The following EPHA1 variants were observed in gnomAD, a reference collection of about 807,000 sequenced individuals.
EPHA1 encodes the protein EPH receptor A1.
In EPHA1, 92 loss-of-function variants were observed where a neutral mutation model predicts 110.1. The observed-to-expected ratio is 0.84, with a 90% CI of 0.71 to 0.99. The LOEUF (loss-of-function observed/expected upper bound fraction) is 0.99. EPHA1 is among the 50% of genes least tolerant of loss of function. EPHA1 has a pLI of 0.00. For synonymous variants in EPHA1, 500 were observed against 516.1 expected (o/e 0.97, Z 0.42); for missense variants, 1,204 against 1,285.4 (o/e 0.94, Z 0.97).
Position 143,399,749 on chromosome 7 carries a change from CG to C in EPHA1, c.736del (p.Arg246AlafsTer14), listed in dbSNP as rs776794841. On this transcript the variant is annotated frameshift_variant, in exon 4 of 18. Transcript: ENST00000275815. LOFTEE classifies it high-confidence loss of function. The stretch of plus-strand genomic sequence containing the variant: ...CTCGCCATCAGGGCTGCAGTGCATG[CG>C]GGGTGCACCTGAGGGCCTGGGGCTG... Reference protein sequence around the residue: ...RASPRPSGAPRMHCSPDGEWL... With the variant: ...RASPRPSGAPXMHCSPDGEWL... 15 of 1,613,416 alleles carry C rather than the reference CG, an allele frequency of 9.3e-6. No homozygotes were observed. Among genetic ancestry groups the C allele is most frequent in the Middle Eastern group, 3.4e-4 (2 of 5,866 alleles).
chr7:143,407,529 C>T, intron 2 of EPHA1, 82 bp downstream of exon 2: 1 of 1,412,940 alleles, frequency 7.1e-7, no homozygotes, highest in Non-Finnish European at 9.9e-7. Context: ...GCTCTTTTCT[C>T]TGTTCCTCCA....
rs1345313968 is a variant in EPHA1, at chr7:143,395,318, C to G, written c.2083+1G>C. The G allele has an allele frequency of 6.2e-7, 1 of 1,614,192 alleles. No individual in the cohort carries two copies. Among genetic ancestry groups the G allele is most frequent in the South Asian group, 1.1e-5 (1 of 91,078 alleles). Reference sequence around the variant, plus strand: ...CAGCTGAGGGAGACCACTCATCGTACGCTTTGTGACGACGCCTTCCAGATG... The same window carrying G: ...CAGCTGAGGGAGACCACTCATCGTAGGCTTTGTGACGACGCCTTCCAGATG... On this transcript the variant is annotated splice_donor_variant, in intron 12 of 17. Transcript: ENST00000275815. LOFTEE classifies it high-confidence loss of function. The surrounding 1 kb of genome is among the most constrained non-coding windows in gnomAD (Gnocchi z 4.7).
rs1258191923 is a variant in EPHA1 at position 143,398,727 on chromosome 7, C to A, written c.1210G>T (p.Val404Leu). 6.2e-7 allele frequency: 1 copy of A among 1,614,134 alleles called. No homozygotes were observed. The highest frequency in any genetic ancestry group is 8.5e-7 in the Non-Finnish European group (1 of 1,179,998). ...PGARGLTTPA[V>L]HVNGLEPYAN... Reference sequence around the variant, plus strand: ...TAAGGTTCAAGGCCATTGACATGCACTGCAGGTGTGGTGAGCCCCCGGGCC... The same window carrying A: ...TAAGGTTCAAGGCCATTGACATGCAATGCAGGTGTGGTGAGCCCCCGGGCC... The change falls in exon 6 of 18, where the codon GTG (valine) becomes TTG (leucine). Residue 404 changes from valine to leucine, a missense_variant. By Grantham distance (32) the Val-to-Leu change is conservative. Coordinates refer to ENST00000275815, the MANE Select transcript of EPHA1 (RefSeq NM_005232.5).
chr7:143,403,945 T>G (rs1260228338), intron 2 of EPHA1, among the ~76,000 whole-genome samples: 1 of 152,220 alleles, frequency 6.6e-6, no homozygotes, highest in Non-Finnish European at 1.5e-5. Context: ...ATCATTTCCT[T>G]CAAATGTATG....
chr7:143,402,098 T>C (rs112070122), intron 2 of EPHA1, among the ~76,000 whole-genome samples: 61 of 150,920 alleles, frequency 4.0e-4, no homozygotes, highest in African/African-American at 1.4e-3. Flanking sequence ...TTCTTTCTTT[T>C]TTTTTTTTTT....
At chr7:143,396,289 G>C in intron 11 of EPHA1, 96 bp downstream of exon 11, 1 of 1,482,248 alleles carries the variant, frequency 6.7e-7, no homozygotes, top group South Asian at 1.3e-5. Context: ...AAGCCAGCTG[G>C]GCTGCCCAGG....
At chr7:143,404,786 A>G (rs1463641727) in intron 2 of EPHA1, among the ~76,000 whole-genome samples, 1 of 152,062 alleles carries the variant, frequency 6.6e-6, no homozygotes, top group African/African-American at 2.4e-5. Context: ...ACTCTTCTCA[A>G]CCATTCTTAT....
In EPHA1 at chr7:143,399,321, T is replaced by G. The variant is rs368306573; in HGVS notation, c.928A>C (p.Ile310Leu). The change falls in exon 5 of 18, where the codon ATC becomes CTC. Residue 310 changes from isoleucine (I) to leucine (L), a missense_variant. Physicochemically the swap from Ile to Leu is conservative, Grantham distance 5. Transcript: ENST00000275815. ...TAATGGCCGCTCTCACAGGTACAGA[T>G]GGTGGCCCCCTCAGACTCAGCAGTG... ...QSTAESEGAT[I>L]CTCESGHYRA... 6.8e-5 allele frequency: 110 copies of G among 1,612,446 alleles called. No individual in the cohort carries two copies. Among genetic ancestry groups the G allele is most frequent in the Non-Finnish European group, 8.7e-5 (103 of 1,179,900 alleles).
chr7:143,394,994 G>C lies in EPHA1; in HGVS notation c.2166C>G (p.Val722=). The C allele has an allele frequency of 6.2e-7, 1 of 1,614,040 alleles. No individual in the cohort carries two copies. The highest frequency in any genetic ancestry group is 8.5e-7 in the Non-Finnish European group (1 of 1,180,014). Residue 722 remains valine (V), a synonymous_variant, in exon 14 of 18, where the codon GTC becomes GTG. Transcript: ENST00000275815. Reference sequence around the variant, plus strand: ...GCAGCATGGCCACTAGCTGCCCAGGGACCAGCTGGTCCTCCCGCTCCTGCA... The same window carrying C: ...GCAGCATGGCCACTAGCTGCCCAGGCACCAGCTGGTCCTCCCGCTCCTGCA... The part of the protein sequence containing the change: ...AFLREREDQL[V]PGQLVAMLQG...
rs1027644158 is a variant in EPHA1, at chr7:143,401,213, C to A, written c.432+111G>T. On this transcript the variant is annotated intron_variant, in intron 3 of 17. Transcript: ENST00000275815. The surrounding 1 kb of genome is among the most constrained non-coding windows in gnomAD (Gnocchi z 4.1). ...CAGCCTTCAAGCGCCAAATTCTTTT[C>A]AAGATTCTACCTCTGCACCCTCTTC... 7.8e-6 allele frequency: 11 copies of A among 1,414,150 alleles called. No homozygotes were observed. Among genetic ancestry groups the A allele is most frequent in the Non-Finnish European group, 1.0e-5 (11 of 1,052,152 alleles). 87.6% of individuals were successfully genotyped at this position (1,414,150 alleles called of 1,614,324 possible). A position where few individuals can be genotyped will look rare whatever the true frequency, so the allele number is the denominator to read the frequency against.
rs1805260387 is a variant in EPHA1 at position 143,396,652 on chromosome 7, G to C, written c.1772-142C>G. ...GACTCCTGTTTGGGCTGAGGTGGGAGAAAGTCTCCATTTAGCAACTAGGCC... is the reference window on the plus strand; with the variant it reads ...GACTCCTGTTTGGGCTGAGGTGGGACAAAGTCTCCATTTAGCAACTAGGCC... On this transcript the variant is annotated intron_variant, in intron 10 of 17. Transcript: ENST00000275815. 12 of 1,002,598 alleles carry C rather than the reference G, an allele frequency of 1.2e-5. No individual in the cohort carries two copies. In the East Asian group the frequency reaches 2.6e-4, roughly 22 times the overall value. 62.1% of individuals were successfully genotyped at this position (1,002,598 alleles called of 1,614,324 possible).
chr7:143,404,318 G>A (rs370747936), intron 2 of EPHA1, among the ~76,000 whole-genome samples: 3 of 151,702 alleles, frequency 2.0e-5, no homozygotes, highest in African/African-American at 7.3e-5. Context: ...CAGGGTTCAC[G>A]CCATTCTCCT....
Position 143,399,807 on chromosome 7 carries a change from C to T in EPHA1, c.679G>A (p.Val227Met), listed in dbSNP as rs1314564039. ...GCGTGGGGCAAGCAGGTCCCCGCCA[C>T]TTCCACCAACCCAGCGGGGCCAGGC... ...TLPGPAGLVEVAGTCLPHARA... is the reference protein window; with the variant it reads ...TLPGPAGLVEMAGTCLPHARA... Residue 227 changes from valine (V) to methionine (M), a missense_variant, in exon 4 of 18, where the codon GTG becomes ATG. Physicochemically the swap from Val to Met is conservative, Grantham distance 21 (BLOSUM62 1). Coordinates refer to ENST00000275815, the MANE Select transcript of EPHA1 (RefSeq NM_005232.5). 4.3e-6 allele frequency: 7 copies of T among 1,611,884 alleles called. No individual in the cohort carries two copies. Among genetic ancestry groups the T allele is most frequent in the Non-Finnish European group, 5.9e-6 (7 of 1,178,970 alleles).
rs187299667 is a variant in EPHA1 at position 143,400,823 on chromosome 7, A to T, written c.432+501T>A. 278 of 163,728 alleles carry T rather than the reference A, an allele frequency of 1.7e-3. 4 individuals are homozygous for T. The highest frequency in any genetic ancestry group is 6.3e-3 in the African/African-American group (262 of 41,638). 10.1% of individuals were successfully genotyped at this position (163,728 alleles called of 1,614,324 possible). A position where few individuals can be genotyped will look rare whatever the true frequency, so the allele number is the denominator to read the frequency against. On this transcript the variant is annotated intron_variant, in intron 3 of 17. Coordinates refer to ENST00000275815, the MANE Select transcript of EPHA1 (RefSeq NM_005232.5). ...AGGCAACAAAAGCTGGAGAGGTTAA[A>T]TGACACCCCCAAAGTCACGGCACAG...
At chr7:143,405,436 C>CATGTGT (rs1554449783) in intron 2 of EPHA1, among the ~76,000 whole-genome samples, 1 of 149,430 alleles carries the variant, frequency 6.7e-6, no homozygotes, top group African/African-American at 2.5e-5. Context: ...TGCATGTGTG[C>CATGTGT]GTGTGTGTGT....
At chr7:143,394,704 GC>G (rs2116614886) in intron 14 of EPHA1, 103 bp downstream of exon 14, 1 of 1,364,518 alleles carries the variant, frequency 7.3e-7, no homozygotes, top group East Asian at 2.4e-5. Context: ...ACAGGTGTGA[GC>G]CACCGTGCCT....
chr7:143,398,174 T>C (rs1418846762), intron 7 of EPHA1, 104 bp from the exon 8 acceptor site: 1 of 1,576,780 alleles, frequency 6.3e-7, no homozygotes, highest in African/African-American at 1.3e-5. Context: ...GCAGAATGGT[T>C]AGGACAGGGT....
chr7:143,396,963 C>T (rs1365618262), intron 10 of EPHA1, among the ~76,000 whole-genome samples: 2 of 152,168 alleles, frequency 1.3e-5, no homozygotes, highest in Non-Finnish European at 2.9e-5. Context: ...GGACGTCAAT[C>T]CTCCTCCCGC....
In EPHA1 at chr7:143,393,621, C is replaced by T. The variant is rs1161713266; in HGVS notation, c.2696+50G>A. 6.3e-7 allele frequency: 1 copy of T among 1,577,142 alleles called. No homozygotes were observed. The highest frequency in any genetic ancestry group is 1.8e-5 in the Admixed American group (1 of 56,658). ...AAGATTGGCTGAATGCCCATTTCCACTCTCCTAGCGCTGCCTCTGGGTTCC... is the reference window on the plus strand; with the variant it reads ...AAGATTGGCTGAATGCCCATTTCCATTCTCCTAGCGCTGCCTCTGGGTTCC... On this transcript the variant is annotated intron_variant, in intron 16 of 17. Coordinates refer to ENST00000275815, the MANE Select transcript of EPHA1 (RefSeq NM_005232.5). The surrounding 1 kb of genome is among the most constrained non-coding windows in gnomAD (Gnocchi z 5.6).
Sources: allele counts gnomAD v4.1 joint callset (sites outside exome capture counted in the v4.1 genomes callset), GRCh38; gene constraint gnomAD v4.1.1; non-coding constraint Gnocchi (gnomAD v3.1); transcripts MANE v1.5; gene names NCBI Gene and HGNC (gene_info 2026-07-23, HGNC 2026-07-21).